RNF115: variants seen among roughly 807,000 people sequenced by gnomAD.
RNF115 encodes ring finger protein 115.
In RNF115, 31 loss-of-function variants were observed where a neutral mutation model predicts 39.2. The ratio of observed to expected loss-of-function variants is 0.79; its 90% CI spans 0.59 to 1.07. The LOEUF (loss-of-function observed/expected upper bound fraction) is 1.07. Among genes scored for constraint, RNF115 ranks in the 50% least tolerant of loss-of-function variants. The probability of loss-of-function intolerance (pLI) is 0.00; values close to 1 mark genes in which losing one functional copy is unlikely to be tolerated. For missense variants in RNF115, 384 were observed against 381.7 expected (o/e 1.01, Z -0.05); for synonymous variants, 124 against 131.0 (o/e 0.95, Z 0.37).
chr1:145,770,584 T>C (rs1452482173), intron 4 of RNF115, among the ~76,000 whole-genome samples: 1 of 152,168 alleles, frequency 6.6e-6, no homozygotes, highest in Admixed American at 6.5e-5. Context: ...GCAGCTACCA[T>C]ATAAGACAAT....
chr1:145,808,056 C>CAT lies in RNF115; in HGVS notation c.102+15714_102+15715dup, dbSNP rs201923984. Among the ~76,000 whole-genome samples, 62 of 151,118 alleles carry CAT rather than the reference C, an allele frequency of 4.1e-4. No individual in the cohort carries two copies. In the East Asian group the frequency reaches 5.4e-3, roughly 13 times the overall value. On this transcript the variant is annotated intron_variant, in intron 1 of 8. Coordinates refer to ENST00000582693, the MANE Select transcript of RNF115 (RefSeq NM_014455.4). ...CTTATGGCCAAACACTATTCTCTTG[C>CAT]ATATATATATATATACCACATTTTC...
intron 4 of RNF115, among the ~76,000 whole-genome samples, chr1:145,763,592 G>A (rs1165163675): frequency 6.6e-6 from 1 of 152,120 alleles, no homozygotes; most frequent in African/African-American, 2.4e-5. Context: ...CCAGCTACTT[G>A]GGAGGCTGAG....
intron 1 of RNF115, among the ~76,000 whole-genome samples, chr1:145,819,145 TA>T (rs1388782335): frequency 3.5e-5 from 5 of 143,020 alleles, no homozygotes; most frequent in African/African-American, 1.3e-4. Flanking sequence ...GAATCAGTAA[TA>T]AAAAACCTGG....
At position 145,767,667 on chromosome 1, in the gene RNF115, C is replaced by T. The variant is rs587604540; in HGVS notation, c.428+4044G>A. Among the ~76,000 whole-genome samples the T allele has an allele frequency of 9.3e-4, 141 of 152,304 alleles. 2 individuals are homozygous for T. Among genetic ancestry groups the T allele is most frequent in the African/African-American group, 3.2e-3 (134 of 41,584 alleles). On this transcript the variant is annotated intron_variant, in intron 4 of 8. Coordinates refer to ENST00000582693, the MANE Select transcript of RNF115 (RefSeq NM_014455.4). ...AGCGAGCCGAGATCACGCCACTGCA[C>T]TCCAGCCTGGGCACCATTGAGCACT...
chr1:145,772,224 T>A (rs1440732142), intron 3 of RNF115: 2 of 215,448 alleles, frequency 9.3e-6, no homozygotes, highest in East Asian at 1.1e-4. Context: ...GGACTTTTTT[T>A]AAAAAAAGTT....
intron 1 of RNF115, among the ~76,000 whole-genome samples, chr1:145,791,119 G>A (rs1390317191): frequency 3.3e-5 from 5 of 151,834 alleles, no homozygotes; most frequent in African/African-American, 1.2e-4. Context: ...TTCAGCCTGG[G>A]CGACAGATCG....
At chr1:145,784,428 TATAC>T (rs1553717854) in intron 3 of RNF115, 107 bp downstream of exon 3, 2 of 978,138 alleles carry the variant, frequency 2.0e-6, no homozygotes, top group Non-Finnish European at 3.2e-6. Flanking sequence ...CATTTTTTCT[TATAC>T]ATTCAGTTAA....
At chr1:145,783,710 C>T (rs1268748403) in intron 3 of RNF115, among the ~76,000 whole-genome samples, 2 of 151,858 alleles carry the variant, frequency 1.3e-5, no homozygotes, top group South Asian at 2.1e-4. Context: ...AAAAGAAAAA[C>T]GTCAGTGTTT....
chr1:145,749,321 A>G (rs1414388327), intron 7 of RNF115, among the ~76,000 whole-genome samples: 3 of 152,120 alleles, frequency 2.0e-5, no homozygotes, highest in African/African-American at 7.2e-5. Context: ...CCCTCCAAAT[A>G]TATCCTATAC....
At chr1:145,747,879 C>G (rs1322584272) in intron 8 of RNF115, 116 bp downstream of exon 8, 4 of 740,446 alleles carry the variant, frequency 5.4e-6, no homozygotes, top group Non-Finnish European at 7.0e-6. Flanking sequence ...ATAACAGTAT[C>G]AGAGTAAGCC....
chr1:145,811,183 T>C (rs1265610093), intron 1 of RNF115, among the ~76,000 whole-genome samples: 5 of 152,000 alleles, frequency 3.3e-5, no homozygotes, highest in African/African-American at 4.8e-5. Flanking sequence ...AATTTTAATA[T>C]GCACTAAATG....
At chr1:145,794,283 A>T (rs1287735956) in intron 1 of RNF115, among the ~76,000 whole-genome samples, 1 of 152,102 alleles carries the variant, frequency 6.6e-6, no homozygotes, top group Non-Finnish European at 1.5e-5. Context: ...ATTTACAAAA[A>T]CACTTAAAGT....
chr1:145,820,624 T>C lies in RNF115; in HGVS notation c.102+3148A>G, dbSNP rs587616082. 2.5e-3 allele frequency among the ~76,000 whole-genome samples: 377 copies of C among 151,980 alleles called. 1 individual carries two copies. The highest frequency in any genetic ancestry group is 8.5e-3 in the African/African-American group (351 of 41,452). ...GGTGGCACGTGCCTGTAGTCCCCAC[T>C]ACTTGGGAGGCCGAGGCAGGAGAAC... is the stretch of plus-strand genomic sequence containing the variant. On this transcript the variant is annotated intron_variant, in intron 1 of 8. Coordinates refer to ENST00000582693, the MANE Select transcript of RNF115 (RefSeq NM_014455.4).
chr1:145,761,401 G>GT (rs1311610830), intron 4 of RNF115, among the ~76,000 whole-genome samples: 2 of 152,310 alleles, frequency 1.3e-5, no homozygotes, highest in East Asian at 3.9e-4. Flanking sequence ...TGGGCCCAGG[G>GT]TCCCCGTGCT....
chr1:145,808,056 CATAT>C (rs201923984), intron 1 of RNF115, among the ~76,000 whole-genome samples: 1 of 150,980 alleles, frequency 6.6e-6, no homozygotes, highest in African/African-American at 2.4e-5. Context: ...TATTCTCTTG[CATAT>C]ATATATATAT....
At chr1:145,819,786 T>C (rs1179586638) in intron 1 of RNF115, among the ~76,000 whole-genome samples, 19 of 152,092 alleles carry the variant, frequency 1.2e-4, no homozygotes, top group African/African-American at 3.9e-4. Context: ...ACCTGTAATC[T>C]CAGCACTTTG....
At chr1:145,762,225 C>A (rs1460356439) in intron 4 of RNF115, among the ~76,000 whole-genome samples, 1 of 152,090 alleles carries the variant, frequency 6.6e-6, no homozygotes, top group Non-Finnish European at 1.5e-5. Context: ...TGAATTAAGA[C>A]TTTGGGGGAC....
intron 1 of RNF115, among the ~76,000 whole-genome samples, chr1:145,799,521 T>G (rs1370914017): frequency 6.6e-6 from 1 of 152,030 alleles, no homozygotes; most frequent in Non-Finnish European, 1.5e-5. Context: ...AATGGGCATC[T>G]TTGCCATGTT....
Position 145,823,932 on chromosome 1 carries a change from T to A in RNF115, c.-59A>T, listed in dbSNP as rs1650453152. On this transcript the variant is annotated 5_prime_UTR_variant, in exon 1 of 9. Coordinates refer to ENST00000582693, the MANE Select transcript of RNF115 (RefSeq NM_014455.4). ...GCCGGCCCGTCCCTCGCCAGGCCGC[T>A]ACCTCCCGAGCTGCAGTCGTCGCCG... 7.9e-7 allele frequency: 1 copy of A among 1,270,064 alleles called. No homozygotes were observed. Among genetic ancestry groups the A allele is most frequent in the East Asian group, 3.1e-5 (1 of 32,532 alleles). The allele number at this position is 1,270,064 out of a possible 1,614,324, so 78.7% of individuals were successfully genotyped here.
Sources: gnomAD v4.1 joint callset for allele counts (sites outside exome capture counted in the v4.1 genomes callset) on GRCh38, gnomAD v4.1.1 for gene constraint, MANE v1.5 for transcripts, NCBI Gene and HGNC (gene_info 2026-07-23, HGNC 2026-07-21) for gene names.